Variants in AGO3 observed in about 807,000 individuals in gnomAD.
The protein encoded by AGO3 is argonaute RISC catalytic component 3, also known as protein argonaute-3.
Under a neutral mutation model 105.5 loss-of-function variants are expected in AGO3, and 16 were observed. The observed-to-expected ratio is 0.15, with a 90% CI of 0.10 to 0.23. AGO3 has a LOEUF of 0.23. Among genes scored for constraint, AGO3 ranks in the 10% least tolerant of loss-of-function variants. The pLI is 1.00. For synonymous variants in AGO3, 340 were observed against 367.3 expected (o/e 0.93, Z 0.85); for missense variants, 534 against 1,088.0 (o/e 0.49, Z 7.16).
chr1:36,023,780 G>A (rs1156705259), intron 11 of AGO3, among the ~76,000 whole-genome samples: 1 of 152,180 alleles, frequency 6.6e-6, no homozygotes, highest in Admixed American at 6.5e-5. Context: ...TACCAGGTGA[G>A]GATTAACTAA....
rs1356275169 is a variant in AGO3 at position 36,063,354 on chromosome 1, G to C, written c.*7609G>C. On this transcript the variant is annotated 3_prime_UTR_variant, in exon 19 of 19. Transcript: ENST00000373191. The stretch of plus-strand genomic sequence containing the variant: ...GGGGAAACCTGTCAAATAAATAATT[G>C]TTACATGCCTTTTTTTTTTAAATTT... 1 of 151,578 alleles carries C rather than the reference G, an allele frequency of 6.6e-6. No homozygotes were observed. The highest frequency in any genetic ancestry group is 1.5e-5 in the Non-Finnish European group (1 of 67,912). 9.4% of individuals were successfully genotyped at this position (151,578 alleles called of 1,614,324 possible).
chr1:35,971,797 A>G (rs1045356514), intron 3 of AGO3, among the ~76,000 whole-genome samples: 1 of 151,996 alleles, frequency 6.6e-6, no homozygotes, highest in African/African-American at 2.4e-5. Context: ...TCATAGCCGC[A>G]TAGATGTTGG....
rs1641545031 is a variant in AGO3, at chr1:36,027,227, G to A, written c.1520G>A (p.Arg507Gln). Residue 507 changes from arginine (R) to glutamine (Q), a missense_variant, in exon 12 of 19, where the codon CGG (arginine) becomes CAG (glutamine). Arg to Gln is a conservative substitution (Grantham distance 43, BLOSUM62 1). This residue lies in a region of AGO3 where 373 missense variants were observed against 854.0 expected (regional missense o/e 0.44). Coordinates refer to ENST00000373191, the MANE Select transcript of AGO3 (RefSeq NM_024852.4). The surrounding 1 kb of genome is among the most constrained non-coding windows in gnomAD (Gnocchi z 4.0). ...GCAGACAGCGTAGAGCCCATGTTCC[G>A]GCATCTCAAGAACACATATTCTGGC... ...QGADSVEPMF[R>Q]HLKNTYSGLQ... 6.2e-7 allele frequency: 1 copy of A among 1,614,122 alleles called. No homozygotes were observed. Among genetic ancestry groups the A allele is most frequent in the Non-Finnish European group, 8.5e-7 (1 of 1,180,028 alleles).
rs1418891225 is a variant in AGO3, at chr1:36,055,351, A to G, written c.2474+206A>G. 2 of 619,834 alleles carry G rather than the reference A, an allele frequency of 3.2e-6. No individual in the cohort carries two copies. The highest frequency in any genetic ancestry group is 5.6e-6 in the Non-Finnish European group (2 of 355,552). The allele number at this position is 619,834 out of a possible 1,614,324, so 38.4% of individuals were successfully genotyped here. On this transcript the variant is annotated intron_variant, in intron 18 of 18. Transcript: ENST00000373191. The surrounding 1 kb of genome is among the most constrained non-coding windows in gnomAD (Gnocchi z 4.4). The stretch of plus-strand genomic sequence containing the variant: ...AGTAACTTAGTTGTTTTACTACATT[A>G]ATTCAAAGGAGAGATTATTGGTAAT...
At position 36,057,066 on chromosome 1, in the gene AGO3, G is replaced by C. The variant is rs960442325; in HGVS notation, c.*1321G>C. The C allele has an allele frequency of 6.6e-6, 1 of 152,060 alleles. No individual in the cohort carries two copies. Among genetic ancestry groups the C allele is most frequent in the Non-Finnish European group, 1.5e-5 (1 of 68,018 alleles). The allele number at this position is 152,060 out of a possible 1,614,324, so 9.4% of individuals were successfully genotyped here. A position where few individuals can be genotyped will look rare whatever the true frequency, so the allele number is the denominator to read the frequency against. Reference sequence around the variant, plus strand: ...ACTATTCTTTTTCTTTAGTGAGTTTGTTAAAGCTGCTATAAATATAAAACC... The same window carrying C: ...ACTATTCTTTTTCTTTAGTGAGTTTCTTAAAGCTGCTATAAATATAAAACC... On this transcript the variant is annotated 3_prime_UTR_variant, in exon 19 of 19. Coordinates refer to ENST00000373191, the MANE Select transcript of AGO3 (RefSeq NM_024852.4).
At position 35,931,360 on chromosome 1, in the gene AGO3, C is replaced by T. The variant is rs1646043507; in HGVS notation, c.-67C>T. ...CGTCGCGTCGCGCCGCGTCGCCCCC[C>T]GGGCCGCCTCCTTGCCGCCAGTGGC... On this transcript the variant is annotated 5_prime_UTR_variant, in exon 1 of 19. Transcript: ENST00000373191. 6 of 1,380,244 alleles carry T rather than the reference C, an allele frequency of 4.3e-6. No individual in the cohort carries two copies. Among genetic ancestry groups the T allele is most frequent in the Admixed American group, 3.4e-5 (1 of 29,104 alleles). 85.5% of individuals were successfully genotyped at this position (1,380,244 alleles called of 1,614,324 possible).
At chr1:35,984,176 A>G (rs1051996919) in intron 5 of AGO3, among the ~76,000 whole-genome samples, 11 of 152,188 alleles carry the variant, frequency 7.2e-5, no homozygotes, top group African/African-American at 2.7e-4. Context: ...AACATATCCA[A>G]AAAATAAATG....
chr1:35,985,198 G>A (rs536463062), intron 5 of AGO3, among the ~76,000 whole-genome samples: 4 of 152,024 alleles, frequency 2.6e-5, no homozygotes, highest in South Asian at 2.1e-4. Flanking sequence ...TGGGAGAATC[G>A]CTTGAGCCCA....
intron 5 of AGO3, among the ~76,000 whole-genome samples, chr1:35,993,049 ATAACAT>A (rs1394737305): frequency 3.0e-4 from 46 of 152,340 alleles, no homozygotes; most frequent in African/African-American, 1.1e-3. Context: ...AGAGGATATA[ATAACAT>A]TAAGACCTAG....
In AGO3 at chr1:35,986,575, G is replaced by T. The variant is rs574270104; in HGVS notation, c.658+13064G>T. 2.6e-5 allele frequency among the ~76,000 whole-genome samples: 4 copies of T among 152,124 alleles called. No homozygotes were observed. The East Asian group carries it at 7.7e-4, about 29-fold the overall frequency. ...GTGGTAGTGCACGTCTATAATCCCAGCTACTTGGGGGTTGAGGCATGAGAA... is the reference window on the plus strand; with the variant it reads ...GTGGTAGTGCACGTCTATAATCCCATCTACTTGGGGGTTGAGGCATGAGAA... On this transcript the variant is annotated intron_variant, in intron 5 of 18. Coordinates refer to ENST00000373191, the MANE Select transcript of AGO3 (RefSeq NM_024852.4).
At chr1:36,022,705 G>A (rs575541011) in intron 11 of AGO3, among the ~76,000 whole-genome samples, 3 of 152,100 alleles carry the variant, frequency 2.0e-5, no homozygotes, top group African/African-American at 4.8e-5. Flanking sequence ...GCCGAGGCGG[G>A]TGGATTACCT....
intron 4 of AGO3, among the ~76,000 whole-genome samples, 188 bp downstream of exon 4, chr1:35,972,420 A>G (rs1646885177): frequency 6.6e-6 from 1 of 152,214 alleles, no homozygotes; most frequent in Admixed American, 6.5e-5. Context: ...TTTTGCAAGT[A>G]ACTATACGTC....
intron 5 of AGO3, among the ~76,000 whole-genome samples, chr1:35,999,100 C>T (rs867894089): frequency 6.6e-6 from 1 of 152,110 alleles, no homozygotes; most frequent in Non-Finnish European, 1.5e-5. Context: ...TGCCTGTAAT[C>T]CCAGCACTTT....
intron 1 of AGO3, among the ~76,000 whole-genome samples, chr1:35,936,505 A>G (rs1344591047): frequency 6.6e-6 from 1 of 152,172 alleles, no homozygotes; most frequent in Non-Finnish European, 1.5e-5. Flanking sequence ...TATTTTTAGT[A>G]GAGATGGGAT....
intron 12 of AGO3, among the ~76,000 whole-genome samples, chr1:36,030,731 T>C (rs1641736453): frequency 6.6e-6 from 1 of 152,204 alleles, no homozygotes; most frequent in Non-Finnish European, 1.5e-5. Flanking sequence ...TCCTCCCGCC[T>C]CAGCCTCCCA....
At chr1:35,987,005 AAAAG>A (rs1647210118) in intron 5 of AGO3, among the ~76,000 whole-genome samples, 1 of 147,884 alleles carries the variant, frequency 6.8e-6, no homozygotes, top group African/African-American at 2.5e-5. Flanking sequence ...CAAAAAAAAA[AAAAG>A]GAAAGAAAAT....
chr1:35,975,638 CTT>C (rs1646943219), intron 5 of AGO3, among the ~76,000 whole-genome samples: 1 of 151,996 alleles, frequency 6.6e-6, no homozygotes, highest in African/African-American at 2.4e-5. Context: ...TCTTTTATGA[CTT>C]TTAATATCTG....
chr1:36,043,253 G>A lies in AGO3; in HGVS notation c.2173-194G>A, dbSNP rs561878948. ...GTATTAGGTTTTGTTGTGTATCAGC[G>A]CTCACTTTCAGCAACATGTAAGAAT... On this transcript the variant is annotated intron_variant, in intron 16 of 18. Coordinates refer to ENST00000373191, the MANE Select transcript of AGO3 (RefSeq NM_024852.4). 1.2e-3 allele frequency: 657 copies of A among 561,534 alleles called. 2 individuals are homozygous for A. The highest frequency in any genetic ancestry group is 1.7e-3 in the Non-Finnish European group (545 of 316,620). 34.8% of individuals were successfully genotyped at this position (561,534 alleles called of 1,614,324 possible).
At chr1:36,018,885 A>G (rs1641062537) in intron 11 of AGO3, among the ~76,000 whole-genome samples, 2 of 151,834 alleles carry the variant, frequency 1.3e-5, no homozygotes, top group Non-Finnish European at 1.5e-5. Context: ...TTGATCCACA[A>G]TCTTGGGAAA....
Sources: gnomAD v4.1 joint callset for allele counts (sites outside exome capture counted in the v4.1 genomes callset) on GRCh38, gnomAD v4.1.1 for gene constraint, gnomAD v4.1.1 regional missense constraint, Gnocchi (gnomAD v3.1) non-coding constraint, MANE v1.5 for transcripts, NCBI Gene and HGNC (gene_info 2026-07-23, HGNC 2026-07-21) for gene names.